GNG2: variants seen among roughly 807,000 people sequenced by gnomAD.
The protein encoded by GNG2 is guanine nucleotide-binding protein G(I)/G(S)/G(O) subunit gamma-2.
In GNG2, 5 loss-of-function variants were observed where a neutral mutation model predicts 5.5. The ratio of observed to expected loss-of-function variants is 0.91; its 90% confidence interval spans 0.48 to 1.92. The LOEUF is 1.92. Among genes scored for constraint, GNG2 ranks in the 30% most tolerant of loss-of-function variants. The pLI, the probability that GNG2 is intolerant of heterozygous loss-of-function variation, is 0.01. For missense variants in GNG2, 55 were observed against 88.4 expected (o/e 0.62, Z 1.52); for synonymous variants, 28 against 32.0 (o/e 0.88, Z 0.42).
At position 51,872,983 on chromosome 14, in the gene GNG2, G is replaced by C. The variant is rs534644229; in HGVS notation, c.-70-4634G>C. 4.6e-5 allele frequency among the ~76,000 whole-genome samples: 7 copies of C among 151,940 alleles called. No homozygotes were observed. In the South Asian group the frequency reaches 1.5e-3, roughly 32 times the overall value. On this transcript the variant is annotated intron_variant, in intron 1 of 3. Transcript: ENST00000556766. Reference sequence around the variant, plus strand: ...TTTATTTCACCTGATTATTTCATTTGGGTCTCTAAAATCACATTATGAAAT... The same window carrying C: ...TTTATTTCACCTGATTATTTCATTTCGGTCTCTAAAATCACATTATGAAAT...
intron 2 of GNG2, among the ~76,000 whole-genome samples, chr14:51,832,346 A>T (rs1001349885): frequency 2.0e-5 from 3 of 149,764 alleles, no homozygotes; most frequent in Non-Finnish European, 4.5e-5. Flanking sequence ...AGAGAATTTA[A>T]TGTGTGTATA....
chr14:51,874,291 G>T (rs867432679), intron 1 of GNG2, among the ~76,000 whole-genome samples: 1 of 152,060 alleles, frequency 6.6e-6, no homozygotes, highest in Admixed American at 6.6e-5. Flanking sequence ...CGGGCGTGGT[G>T]GTGGGCGCCT....
At chr14:51,837,326 G>C (rs1459677177) in intron 2 of GNG2, among the ~76,000 whole-genome samples, 1 of 152,106 alleles carries the variant, frequency 6.6e-6, no homozygotes, top group Non-Finnish European at 1.5e-5. Context: ...AAAGCACTCT[G>C]TTAATTATTG....
At chr14:51,841,713 G>A (rs2140077566) in intron 2 of GNG2, 1 of 592,958 alleles carries the variant, frequency 1.7e-6, no homozygotes, top group Admixed American at 2.9e-5. Context: ...TAGGAAATAG[G>A]AAATTATTGT....
At chr14:51,942,734 A>G (rs944268634) in intron 2 of GNG2, among the ~76,000 whole-genome samples, 1 of 150,726 alleles carries the variant, frequency 6.6e-6, no homozygotes, top group African/African-American at 2.4e-5. Flanking sequence ...AGATTATTAG[A>G]AGTTTTAAAA....
intron 2 of GNG2, among the ~76,000 whole-genome samples, chr14:51,881,334 G>A (rs1884053564): frequency 6.6e-6 from 1 of 152,182 alleles, no homozygotes; most frequent in Non-Finnish European, 1.5e-5. Context: ...CCAGTGGGAG[G>A]GGATTGGAGT....
At chr14:51,945,873 T>A (rs1395403881) in intron 2 of GNG2, among the ~76,000 whole-genome samples, 1 of 150,948 alleles carries the variant, frequency 6.6e-6, no homozygotes, top group African/African-American at 2.4e-5. Flanking sequence ...TCGGAATGGG[T>A]TTTCTCCTCT....
At chr14:51,864,647 A>G (rs891787966) in intron 1 of GNG2, among the ~76,000 whole-genome samples, 25 of 152,194 alleles carry the variant, frequency 1.6e-4, no homozygotes, top group African/African-American at 5.5e-4. Context: ...CACACCAGTG[A>G]TTCTGCTGGT....
intron 2 of GNG2, among the ~76,000 whole-genome samples, chr14:51,848,503 G>C (rs1594833701): frequency 6.6e-6 from 1 of 152,096 alleles, no homozygotes; most frequent in African/African-American, 2.4e-5. Flanking sequence ...CCCAACTTCT[G>C]CAGTCTCAGG....
At chr14:51,830,118 G>C (rs894761629) in intron 2 of GNG2, among the ~76,000 whole-genome samples, 6 of 152,146 alleles carry the variant, frequency 3.9e-5, no homozygotes, top group Non-Finnish European at 7.4e-5. Context: ...TGGGATAACA[G>C]GCGTGGGCCA....
At chr14:51,953,634 T>C (rs1420749716) in intron 3 of GNG2, among the ~76,000 whole-genome samples, 3 of 152,208 alleles carry the variant, frequency 2.0e-5, no homozygotes, top group Non-Finnish European at 4.4e-5. Flanking sequence ...TATTTCAGCA[T>C]TTGTTCTGTA....
At chr14:51,884,406 C>A (rs1477812339) in intron 2 of GNG2, among the ~76,000 whole-genome samples, 1 of 152,174 alleles carries the variant, frequency 6.6e-6, no homozygotes, top group South Asian at 2.1e-4. Flanking sequence ...TATATTATCT[C>A]CCTTTATCCT....
At chr14:51,893,923 C>CT (rs1433302135) in intron 2 of GNG2, among the ~76,000 whole-genome samples, 2 of 151,986 alleles carry the variant, frequency 1.3e-5, no homozygotes, top group African/African-American at 4.8e-5. Flanking sequence ...AATTTCTGTA[C>CT]TTTTTATTAT....
In GNG2 at chr14:51,968,555, G is replaced by T. The variant is rs1890050392; in HGVS notation, c.*1868G>T. On this transcript the variant is annotated 3_prime_UTR_variant, in exon 4 of 4. Coordinates refer to ENST00000556766, the MANE Select transcript of GNG2 (RefSeq NM_053064.5). ...TGAAACATTTGTGAAATGTATGAAT[G>T]CACTTCTGTAACCAGATACTTCTGT... is the stretch of plus-strand genomic sequence containing the variant. 6.6e-6 allele frequency: 1 copy of T among 152,146 alleles called. No individual in the cohort carries two copies. The highest frequency in any genetic ancestry group is 1.5e-5 in the Non-Finnish European group (1 of 68,028). The allele number at this position is 152,146 out of a possible 1,614,324, so 9.4% of individuals were successfully genotyped here.
chr14:51,844,587 C>T (rs1458361311), intron 2 of GNG2, among the ~76,000 whole-genome samples: 4 of 152,140 alleles, frequency 2.6e-5, no homozygotes, highest in African/African-American at 9.7e-5. Flanking sequence ...CCCAAAACCT[C>T]CACGGAAGAG....
At chr14:51,957,322 C>T (rs1240712163) in intron 3 of GNG2, among the ~76,000 whole-genome samples, 8 of 152,162 alleles carry the variant, frequency 5.3e-5, no homozygotes, top group Admixed American at 5.2e-4. Flanking sequence ...AATCCCTCCA[C>T]TTCCCCTTCT....
At chr14:51,919,079 C>A (rs1300780822) in intron 2 of GNG2, among the ~76,000 whole-genome samples, 1 of 152,150 alleles carries the variant, frequency 6.6e-6, no homozygotes, top group Non-Finnish European at 1.5e-5. Flanking sequence ...CCCGCCTCAG[C>A]CTCCCAAAGT....
chr14:51,853,732 T>C (rs1882018739), intron 2 of GNG2, among the ~76,000 whole-genome samples: 1 of 152,232 alleles, frequency 6.6e-6, no homozygotes, highest in South Asian at 2.1e-4. Flanking sequence ...GTGATATTAA[T>C]CTTGCAGATT....
At chr14:51,914,369 C>T in intron 2 of GNG2, 2 of 675,522 alleles carry the variant, frequency 3.0e-6, no homozygotes, top group Admixed American at 4.4e-5. Context: ...ATAGCTCCTG[C>T]TCTAATCCTT....
Sources: gnomAD v4.1 joint callset for allele counts (sites outside exome capture counted in the v4.1 genomes callset) on GRCh38, gnomAD v4.1.1 for gene constraint, MANE v1.5 for transcripts, NCBI Gene and HGNC (gene_info 2026-07-23, HGNC 2026-07-21) for gene names.